Variants in SOBP observed in about 807,000 individuals in gnomAD.
SOBP encodes the protein sine oculis binding protein homolog, also known as sine oculis-binding protein homolog.
A neutral mutation model predicts 53.6 loss-of-function variants in SOBP; 4 were observed. The ratio of observed to expected loss-of-function variants is 0.07; its 90% CI spans 0.04 to 0.17. The LOEUF (loss-of-function observed/expected upper bound fraction) is 0.17, where lower values mean the gene tolerates loss of function less well. SOBP is among the 10% of genes least tolerant of loss of function. The pLI is 1.00. For missense variants in SOBP, 1,088 were observed against 1,204.7 expected (o/e 0.90, Z 1.43); for synonymous variants, 584 against 522.6 (o/e 1.12, Z -1.60).
At chr6:107,621,660 T>C (rs937419603) in intron 5 of SOBP, among the ~76,000 whole-genome samples, 7 of 152,188 alleles carry the variant, frequency 4.6e-5, no homozygotes, top group African/African-American at 1.7e-4. Context: ...CAGCATTATA[T>C]ACCAGATGCC....
chr6:107,565,422 C>T (rs1784886318), intron 4 of SOBP, among the ~76,000 whole-genome samples: 1 of 149,260 alleles, frequency 6.7e-6, no homozygotes, highest in South Asian at 2.1e-4. Context: ...TCCACCTCTT[C>T]GTGGAATCCA....
chr6:107,633,903 C>T lies in SOBP; in HGVS notation c.1059C>T (p.Ile353=). The change falls in exon 6 of 7, where the codon ATC becomes ATT. Residue 353 remains isoleucine (I), a synonymous_variant. Coordinates refer to ENST00000317357, the MANE Select transcript of SOBP (RefSeq NM_018013.4). ...TKIPTPVPKS[I]PISETPNIPP... is the part of the protein sequence containing the mutation. Reference sequence around the variant, plus strand: ...TCCCCACGCCAGTGCCCAAGTCCATCCCCATCAGCGAGACTCCAAATATCC... The same window carrying T: ...TCCCCACGCCAGTGCCCAAGTCCATTCCCATCAGCGAGACTCCAAATATCC... 1.2e-6 allele frequency: 2 copies of T among 1,614,226 alleles called. No individual in the cohort carries two copies. Among genetic ancestry groups the T allele is most frequent in the Non-Finnish European group, 1.7e-6 (2 of 1,180,042 alleles).
intron 4 of SOBP, among the ~76,000 whole-genome samples, chr6:107,580,987 G>A (rs576590291): frequency 5.3e-5 from 8 of 152,284 alleles, no homozygotes; most frequent in African/African-American, 1.9e-4. Flanking sequence ...CAGCGATAGC[G>A]TTAAAGGATA....
chr6:107,586,992 T>G, intron 4 of SOBP, 88 bp from the exon 5 acceptor site: 1 of 963,078 alleles, frequency 1.0e-6, no homozygotes, highest in Non-Finnish European at 1.7e-6. Context: ...GATTCCCGTT[T>G]GTTGAATGAT....
At chr6:107,563,700 A>G (rs895959974) in intron 4 of SOBP, among the ~76,000 whole-genome samples, 9 of 152,022 alleles carry the variant, frequency 5.9e-5, no homozygotes, top group Non-Finnish European at 1.2e-4. Context: ...CTTACAATAG[A>G]CAAAATGGCG....
chr6:107,537,169 A>G (rs1784023520), intron 4 of SOBP, among the ~76,000 whole-genome samples: 1 of 152,228 alleles, frequency 6.6e-6, no homozygotes. Context: ...TACTTTGCAT[A>G]GTAATGCACA....
intron 5 of SOBP, among the ~76,000 whole-genome samples, chr6:107,612,112 T>C (rs2115103170): frequency 6.6e-6 from 1 of 152,308 alleles, no homozygotes; most frequent in African/African-American, 2.4e-5. Flanking sequence ...TGGGGCAAGA[T>C]TTCTGAGGAC....
intron 6 of SOBP, among the ~76,000 whole-genome samples, chr6:107,643,825 G>A (rs909895636): frequency 6.6e-6 from 1 of 152,226 alleles, no homozygotes; most frequent in African/African-American, 2.4e-5. Flanking sequence ...TGAAGTTGCT[G>A]CAGCATGCAT....
At chr6:107,602,918 A>G (rs1786237480) in intron 5 of SOBP, among the ~76,000 whole-genome samples, 1 of 152,044 alleles carries the variant, frequency 6.6e-6, no homozygotes, top group Non-Finnish European at 1.5e-5. Flanking sequence ...GGGCTTCTTC[A>G]CAATATTCTT....
At chr6:107,591,455 T>C (rs4946841) in intron 5 of SOBP, among the ~76,000 whole-genome samples, 85,722 of 152,090 alleles carry the variant, frequency 0.56, 26,725 homozygotes, top group East Asian at 0.91. Context: ...AAAAACTTAA[T>C]AAGGGAAGAT....
At chr6:107,549,637 T>G (rs1014746729) in intron 4 of SOBP, among the ~76,000 whole-genome samples, 2 of 152,130 alleles carry the variant, frequency 1.3e-5, no homozygotes, top group African/African-American at 4.8e-5. Flanking sequence ...ACATTTCTAA[T>G]GTAGTCATTT....
intron 6 of SOBP, among the ~76,000 whole-genome samples, chr6:107,641,678 C>T (rs1273202886): frequency 2.0e-5 from 3 of 152,204 alleles, no homozygotes; most frequent in African/African-American, 7.2e-5. Context: ...AAATCAGTTC[C>T]CTGACTGGTT....
At chr6:107,508,305 T>A (rs1488603100) in intron 3 of SOBP, among the ~76,000 whole-genome samples, 1 of 152,000 alleles carries the variant, frequency 6.6e-6, no homozygotes, top group Non-Finnish European at 1.5e-5. Context: ...AAATGTCCTT[T>A]CAGCCTGGCA....
intron 3 of SOBP, among the ~76,000 whole-genome samples, chr6:107,519,745 A>G (rs1783425253): frequency 6.6e-6 from 1 of 152,204 alleles, no homozygotes; most frequent in Non-Finnish European, 1.5e-5. Flanking sequence ...TACCTCTGCA[A>G]TTGAACACCA....
chr6:107,566,233 C>T (rs1443962439), intron 4 of SOBP, among the ~76,000 whole-genome samples: 8 of 152,228 alleles, frequency 5.3e-5, no homozygotes. Flanking sequence ...CCTTCTCACT[C>T]ATGTGTTTCC....
At chr6:107,615,312 GAA>G (rs977566354) in intron 5 of SOBP, among the ~76,000 whole-genome samples, 13 of 152,188 alleles carry the variant, frequency 8.5e-5, no homozygotes, top group African/African-American at 3.1e-4. Flanking sequence ...ATTAAGGAAA[GAA>G]AGATTTAGAC....
chr6:107,504,575 A>C (rs1461639983), intron 2 of SOBP, among the ~76,000 whole-genome samples: 2 of 152,182 alleles, frequency 1.3e-5, no homozygotes, highest in Non-Finnish European at 2.9e-5. Flanking sequence ...CCATTCAGGA[A>C]ACTTTAATAA....
At chr6:107,609,476 A>T (rs1487930906) in intron 5 of SOBP, among the ~76,000 whole-genome samples, 1 of 152,242 alleles carries the variant, frequency 6.6e-6, no homozygotes, top group African/African-American at 2.4e-5. Flanking sequence ...CCCAAGAATG[A>T]GTTGGTGTCT....
intron 4 of SOBP, among the ~76,000 whole-genome samples, chr6:107,578,806 G>A (rs909298552): frequency 5.9e-5 from 9 of 152,088 alleles, no homozygotes; most frequent in Non-Finnish European, 1.3e-4. Context: ...TTATTTCTGG[G>A]GGAGGCATCC....
Sources: gnomAD v4.1 joint callset for allele counts (sites outside exome capture counted in the v4.1 genomes callset) on GRCh38, gnomAD v4.1.1 for gene constraint, MANE v1.5 for transcripts, NCBI Gene and HGNC (gene_info 2026-07-23, HGNC 2026-07-21) for gene names.